Variants in MAML3 observed in about 807,000 individuals in gnomAD.
MAML3 encodes mastermind-like protein 3.
Under a neutral mutation model 101.9 loss-of-function variants are expected in MAML3, and 27 were observed. The ratio of observed to expected loss-of-function variants is 0.27; its 90% CI spans 0.20 to 0.37. MAML3 has a LOEUF of 0.37. Ranked by LOEUF, MAML3 falls within the 10% of genes least tolerant of loss-of-function variation. MAML3 has a pLI of 1.00. For synonymous variants in MAML3, 501 were observed against 555.9 expected, an observed-to-expected ratio of 0.90 and a Z score of 1.39; for missense variants, 1,316 against 1,444.9, an observed-to-expected ratio of 0.91 and a Z score of 1.45.
At chr4:139,763,624 C>G (rs1729799259) in intron 2 of MAML3, among the ~76,000 whole-genome samples, 1 of 149,858 alleles carries the variant, frequency 6.7e-6, no homozygotes, top group Non-Finnish European at 1.5e-5. Context: ...TTAAAAAAAT[C>G]ATGTTGATGC....
intron 2 of MAML3, among the ~76,000 whole-genome samples, chr4:139,741,459 A>G (rs1729162217): frequency 6.6e-6 from 1 of 152,204 alleles, no homozygotes; most frequent in African/African-American, 2.4e-5. Flanking sequence ...ACAGCTTTAA[A>G]TTGTGCCCTG....
At chr4:139,948,772 G>C (rs1454712878) in intron 1 of MAML3, among the ~76,000 whole-genome samples, 1 of 152,134 alleles carries the variant, frequency 6.6e-6, no homozygotes, top group Non-Finnish European at 1.5e-5. Context: ...ATGACACTAT[G>C]TATGGACACG....
chr4:140,001,009 CAA>C (rs1302585517), intron 1 of MAML3, among the ~76,000 whole-genome samples: 1 of 151,782 alleles, frequency 6.6e-6, no homozygotes, highest in African/African-American at 2.4e-5. Context: ...GCCTGGGCAA[CAA>C]GAGCAAAACT....
At chr4:140,142,167 GAA>G (rs1273260584) in intron 1 of MAML3, among the ~76,000 whole-genome samples, 2 of 148,014 alleles carry the variant, frequency 1.4e-5, no homozygotes, top group African/African-American at 2.6e-5. Context: ...ATATGAAAGA[GAA>G]AAAAGTGTAT....
chr4:140,086,060 T>A (rs1727946226), intron 1 of MAML3, among the ~76,000 whole-genome samples: 1 of 152,244 alleles, frequency 6.6e-6, no homozygotes, highest in Non-Finnish European at 1.5e-5. Flanking sequence ...TTTCTTGGAT[T>A]CAGCACAAGT....
intron 2 of MAML3, among the ~76,000 whole-genome samples, chr4:139,804,505 G>A (rs189811176): frequency 2.6e-4 from 39 of 152,072 alleles, no homozygotes; most frequent in Admixed American, 2.0e-3. Context: ...GACCTCAAGT[G>A]ATCTACCCAC....
chr4:140,110,331 G>A (rs1728420371), intron 1 of MAML3, among the ~76,000 whole-genome samples: 1 of 152,212 alleles, frequency 6.6e-6, no homozygotes, highest in Non-Finnish European at 1.5e-5. Flanking sequence ...AACGGTTCAG[G>A]CAAGTGGAAA....
chr4:139,928,507 AAAT>A lies in MAML3; in HGVS notation c.469-37543_469-37541del, dbSNP rs537872658. On this transcript the variant is annotated intron_variant, in intron 1 of 4. Coordinates refer to ENST00000509479, the MANE Select transcript of MAML3 (RefSeq NM_018717.5). ...AAGGAGAAATGCACTCCCATTGAAA[AAAT>A]AATGAAAGGCTTCATGGAGAAGCTG... 1.3e-3 allele frequency among the ~76,000 whole-genome samples: 199 copies of A among 152,348 alleles called. 1 individual carries two copies. Among genetic ancestry groups the A allele is most frequent in the African/African-American group, 4.3e-3 (180 of 41,574 alleles).
rs970708932 is a variant in MAML3, at chr4:140,004,544, G to T, written c.469-113577C>A. 5.3e-5 allele frequency among the ~76,000 whole-genome samples: 8 copies of T among 152,114 alleles called. No individual in the cohort carries two copies. The East Asian group carries it at 1.5e-3, about 29-fold the overall frequency. On this transcript the variant is annotated intron_variant, in intron 1 of 4. Coordinates refer to ENST00000509479, the MANE Select transcript of MAML3 (RefSeq NM_018717.5). ...GTAAGAAAGGGAGGGGTTTGGGGAGGGGGCAGGGGAGAGTAGTGAGGAGAG... is the reference window on the plus strand; with the variant it reads ...GTAAGAAAGGGAGGGGTTTGGGGAGTGGGCAGGGGAGAGTAGTGAGGAGAG...
chr4:139,886,008 A>G (rs1290396278), intron 2 of MAML3, among the ~76,000 whole-genome samples: 5 of 144,290 alleles, frequency 3.5e-5, no homozygotes, highest in Non-Finnish European at 1.6e-5. Context: ...GAACAAAGAA[A>G]TAATATAAGA....
intron 2 of MAML3, among the ~76,000 whole-genome samples, chr4:139,795,068 A>C (rs1465210929): frequency 6.6e-6 from 1 of 152,228 alleles, no homozygotes; most frequent in Non-Finnish European, 1.5e-5. Flanking sequence ...AAGGGCAGCC[A>C]CAGAGTTAGG....
At chr4:139,804,066 A>G (rs1474767123) in intron 2 of MAML3, among the ~76,000 whole-genome samples, 1 of 152,114 alleles carries the variant, frequency 6.6e-6, no homozygotes, top group Non-Finnish European at 1.5e-5. Flanking sequence ...GCCCCTGAAG[A>G]GCTGTGTGCC....
chr4:139,924,160 A>G (rs1260199787), intron 1 of MAML3, among the ~76,000 whole-genome samples: 1 of 152,222 alleles, frequency 6.6e-6, no homozygotes, highest in Non-Finnish European at 1.5e-5. Context: ...GAAACTCACA[A>G]AATCCCTGTG....
At chr4:139,847,096 TCTCC>T (rs1731464614) in intron 2 of MAML3, among the ~76,000 whole-genome samples, 1 of 152,202 alleles carries the variant, frequency 6.6e-6, no homozygotes, top group Non-Finnish European at 1.5e-5. Context: ...ACTTGACAAA[TCTCC>T]CTCCCTCCAT....
chr4:140,067,567 T>A (rs571496783), intron 1 of MAML3, among the ~76,000 whole-genome samples: 4 of 152,284 alleles, frequency 2.6e-5, no homozygotes, highest in African/African-American at 9.6e-5. Context: ...GTTTTCTGTA[T>A]TGTCTCAATA....
chr4:139,885,798 C>T (rs1415107489), intron 2 of MAML3, among the ~76,000 whole-genome samples: 27 of 148,998 alleles, frequency 1.8e-4, no homozygotes, highest in African/African-American at 4.9e-4. Context: ...CCAGGCGTGC[C>T]GGCAGGCGCC....
At chr4:140,076,355 T>C (rs1727765722) in intron 1 of MAML3, among the ~76,000 whole-genome samples, 1 of 152,194 alleles carries the variant, frequency 6.6e-6, no homozygotes, top group Non-Finnish European at 1.5e-5. Flanking sequence ...AAAGTGAAAA[T>C]GCATTTTTTT....
Position 139,890,602 on chromosome 4 carries a change from A to G in MAML3, c.834T>C (p.Pro278=), listed in dbSNP as rs769595808. 1.2e-6 allele frequency: 2 copies of G among 1,613,980 alleles called. No individual in the cohort carries two copies. The highest frequency in any genetic ancestry group is 2.2e-5 in the South Asian group (2 of 91,080). Residue 278 remains proline, a synonymous_variant, in exon 2 of 5, where the codon CCT becomes CCC. Coordinates refer to ENST00000509479, the MANE Select transcript of MAML3 (RefSeq NM_018717.5). The surrounding 1 kb of genome is among the most constrained non-coding windows in gnomAD (Gnocchi z 4.1). The part of the protein sequence containing the change: ...ILQSKDLKQE[P]LDDPTCIDTS... Reference sequence around the variant, plus strand: ...TGTCTATGCAAGTAGGGTCATCGAGAGGTTCTTGTTTGAGGTCTTTGCTCT... The same window carrying G: ...TGTCTATGCAAGTAGGGTCATCGAGGGGTTCTTGTTTGAGGTCTTTGCTCT...
chr4:139,855,816 T>C (rs535287561), intron 2 of MAML3, among the ~76,000 whole-genome samples: 20 of 152,362 alleles, frequency 1.3e-4, no homozygotes, highest in African/African-American at 4.8e-4. Flanking sequence ...AAAAATTTTA[T>C]GAGTCCACAG....
Sources: gnomAD v4.1 joint callset for allele counts (sites outside exome capture counted in the v4.1 genomes callset) on GRCh38, gnomAD v4.1.1 for gene constraint, Gnocchi (gnomAD v3.1) non-coding constraint, MANE v1.5 for transcripts, NCBI Gene and HGNC (gene_info 2026-07-23, HGNC 2026-07-21) for gene names.